Variants in SNTG1 observed in about 807,000 individuals in gnomAD.
The protein encoded by SNTG1 is syntrophin gamma 1.
SNTG1 carries 39 observed loss-of-function variants against 74.7 expected under a neutral mutation model. The observed-to-expected ratio is 0.52, with a 90% CI of 0.40 to 0.68. The LOEUF is 0.68. SNTG1 is among the 30% of genes least tolerant of loss of function. The probability of loss-of-function intolerance (pLI) is 0.00; values close to 1 mark genes in which losing one functional copy is unlikely to be tolerated. For missense variants in SNTG1, 685 were observed against 609.5 expected, an observed-to-expected ratio of 1.12 and a Z score of -1.30; for synonymous variants, 254 against 217.1, an observed-to-expected ratio of 1.17 and a Z score of -1.49.
chr8:50,067,733 C>T (rs966369332), intron 1 of SNTG1, among the ~76,000 whole-genome samples: 1 of 152,100 alleles, frequency 6.6e-6, no homozygotes, highest in Non-Finnish European at 1.5e-5. Context: ...TGGCTGATGT[C>T]TTCAGCATGA....
intron 2 of SNTG1, among the ~76,000 whole-genome samples, chr8:50,302,481 C>A (rs1007347413): frequency 6.6e-6 from 1 of 152,076 alleles, no homozygotes; most frequent in African/African-American, 2.4e-5. Context: ...CTGCCAGTAT[C>A]CATGATCATC....
chr8:50,573,896 TG>T (rs1216076615), intron 12 of SNTG1, among the ~76,000 whole-genome samples: 2 of 151,968 alleles, frequency 1.3e-5, no homozygotes, highest in African/African-American at 2.4e-5. Context: ...GTTTCATTAA[TG>T]CTAGTGATTC....
chr8:50,373,732 A>G (rs2092318525), intron 2 of SNTG1, among the ~76,000 whole-genome samples: 1 of 152,172 alleles, frequency 6.6e-6, no homozygotes, highest in African/African-American at 2.4e-5. Context: ...TTGCAGCTAA[A>G]TATTATTTTT....
At chr8:50,585,569 C>A (rs2094642770) in intron 12 of SNTG1, among the ~76,000 whole-genome samples, 1 of 152,106 alleles carries the variant, frequency 6.6e-6, no homozygotes, top group African/African-American at 2.4e-5. Context: ...ATTTGAAGAT[C>A]AGTCTTAAAA....
intron 2 of SNTG1, among the ~76,000 whole-genome samples, chr8:50,270,129 C>T (rs1324130503): frequency 2.0e-5 from 3 of 152,074 alleles, no homozygotes; most frequent in Non-Finnish European, 4.4e-5. Flanking sequence ...TAGCAGAATA[C>T]AATCAGCCTA....
At chr8:50,272,499 T>TTGA (rs1177790169) in intron 2 of SNTG1, among the ~76,000 whole-genome samples, 1 of 152,170 alleles carries the variant, frequency 6.6e-6, no homozygotes, top group Admixed American at 6.5e-5. Context: ...GACATGAAGA[T>TTGA]TGTTCACAGC....
chr8:50,573,483 A>C (rs957761153), intron 12 of SNTG1, among the ~76,000 whole-genome samples: 5 of 151,922 alleles, frequency 3.3e-5, no homozygotes. Context: ...CAGTGGAATG[A>C]GTTTCTAAGA....
intron 2 of SNTG1, among the ~76,000 whole-genome samples, chr8:50,388,981 T>C (rs1587432246): frequency 6.6e-6 from 1 of 152,238 alleles, no homozygotes; most frequent in South Asian, 2.1e-4. Context: ...GGGATGAATC[T>C]TGCATTCTGT....
chr8:49,960,415 T>G (rs1043644416), intron 1 of SNTG1, among the ~76,000 whole-genome samples: 2 of 152,168 alleles, frequency 1.3e-5, no homozygotes, highest in Non-Finnish European at 1.5e-5. Context: ...TGTATGTTTT[T>G]GGGCCACTTA....
At chr8:50,311,946 G>A (rs2090130599) in intron 2 of SNTG1, among the ~76,000 whole-genome samples, 2 of 152,128 alleles carry the variant, frequency 1.3e-5, no homozygotes, top group South Asian at 4.1e-4. Context: ...GATCACTGCA[G>A]ACTCTTAATT....
At chr8:50,609,923 T>C (rs12542272) in intron 13 of SNTG1, among the ~76,000 whole-genome samples, 91,556 of 152,008 alleles carry the variant, frequency 0.6, 30,201 homozygotes, top group East Asian at 0.78. Flanking sequence ...TTAGAAAACT[T>C]CTGTAAGTTT....
intron 9 of SNTG1, among the ~76,000 whole-genome samples, chr8:50,517,993 C>A (rs1458979628): frequency 6.6e-6 from 1 of 152,154 alleles, no homozygotes; most frequent in Non-Finnish European, 1.5e-5. Context: ...CCCAAATCAA[C>A]AGAATATACA....
At chr8:50,352,357 C>T (rs945860932) in intron 2 of SNTG1, among the ~76,000 whole-genome samples, 3 of 152,064 alleles carry the variant, frequency 2.0e-5, no homozygotes, top group African/African-American at 7.2e-5. Context: ...TTATTCAAAA[C>T]ATCTGACATC....
At chr8:50,393,981 A>G (rs1208009660) in intron 2 of SNTG1, among the ~76,000 whole-genome samples, 1 of 152,220 alleles carries the variant, frequency 6.6e-6, no homozygotes, top group Non-Finnish European at 1.5e-5. Context: ...TGCACACTCA[A>G]TCACACTGAA....
chr8:50,143,486 A>G (rs1363443664), intron 1 of SNTG1, among the ~76,000 whole-genome samples: 2 of 152,200 alleles, frequency 1.3e-5, no homozygotes, highest in Non-Finnish European at 2.9e-5. Flanking sequence ...TGTAGCAGAA[A>G]TTGCTTCTGT....
chr8:50,136,272 A>C (rs2081473354), intron 1 of SNTG1, among the ~76,000 whole-genome samples: 1 of 152,118 alleles, frequency 6.6e-6, no homozygotes, highest in Admixed American at 6.6e-5. Flanking sequence ...GAATATGCCC[A>C]GTATTGGAAT....
chr8:50,087,626 T>C (rs1338834897), intron 1 of SNTG1, among the ~76,000 whole-genome samples: 4 of 152,160 alleles, frequency 2.6e-5, no homozygotes, highest in South Asian at 4.1e-4. Flanking sequence ...GTGTGTATGC[T>C]TAATCAAAGC....
chr8:50,264,188 T>A (rs959969520), intron 2 of SNTG1, among the ~76,000 whole-genome samples: 1 of 152,104 alleles, frequency 6.6e-6, no homozygotes, highest in Non-Finnish European at 1.5e-5. Context: ...AATGTAGCGT[T>A]TACAAAAACA....
chr8:50,301,249 G>A (rs757975261), intron 2 of SNTG1, among the ~76,000 whole-genome samples: 7 of 152,032 alleles, frequency 4.6e-5, no homozygotes, highest in African/African-American at 9.6e-5. Flanking sequence ...ACTATGGGGC[G>A]CTTTATTTTT....
Sources: gnomAD v4.1 joint callset for allele counts (sites outside exome capture counted in the v4.1 genomes callset) on GRCh38, gnomAD v4.1.1 for gene constraint, MANE v1.5 for transcripts, NCBI Gene and HGNC (gene_info 2026-07-23, HGNC 2026-07-21) for gene names.